Variants in BAIAP2L1 observed in about 807,000 individuals in gnomAD.
BAIAP2L1 encodes the protein BAR/IMD domain containing adaptor protein 2 like 1, also known as BAR/IMD domain-containing adapter protein 2-like 1.
Under a neutral mutation model 66.3 loss-of-function variants are expected in BAIAP2L1, and 35 were observed. That is an observed-to-expected ratio of 0.53 (90% CI 0.40 to 0.70). The LOEUF is 0.70. Ranked by LOEUF, BAIAP2L1 falls within the 30% of genes least tolerant of loss-of-function variation. BAIAP2L1 has a pLI of 0.00. For missense variants in BAIAP2L1, 622 were observed against 656.9 expected (o/e 0.95, Z 0.58); for synonymous variants, 269 against 248.7 (o/e 1.08, Z -0.77).
intron 1 of BAIAP2L1, 54 bp from the exon 2 acceptor site, chr7:98,362,486 T>C (rs1205672241): frequency 6.0e-6 from 9 of 1,488,258 alleles, no homozygotes; most frequent in Non-Finnish European, 1.9e-6. Flanking sequence ...AACCAAGTCA[T>C]CTTCAGATTT....
At chr7:98,294,914 C>T (rs62479858) in intron 12 of BAIAP2L1, among the ~76,000 whole-genome samples, 36,177 of 152,024 alleles carry the variant, frequency 0.24, 4,633 homozygotes, top group East Asian at 0.46. Flanking sequence ...GGTGTGTGCG[C>T]GCCTTCTTTC....
chr7:98,317,195 A>G (rs2116893490), intron 6 of BAIAP2L1, 24 bp downstream of exon 6: 3 of 1,613,980 alleles, frequency 1.9e-6, no homozygotes, highest in Non-Finnish European at 1.7e-6. Context: ...ACAAAAGAAA[A>G]CAAGATATTG....
At chr7:98,365,576 TC>T (rs1396698032) in intron 1 of BAIAP2L1, among the ~76,000 whole-genome samples, 1 of 152,184 alleles carries the variant, frequency 6.6e-6, no homozygotes, top group Non-Finnish European at 1.5e-5. Flanking sequence ...GCTCAAGTGA[TC>T]CTCGTGCCCC....
At chr7:98,375,501 G>A (rs1802604702) in intron 1 of BAIAP2L1, among the ~76,000 whole-genome samples, 1 of 151,920 alleles carries the variant, frequency 6.6e-6, no homozygotes, top group Non-Finnish European at 1.5e-5. Context: ...TATAATCCCA[G>A]CACTTTGGGA....
intron 3 of BAIAP2L1, among the ~76,000 whole-genome samples, chr7:98,353,671 A>T (rs1023191873): frequency 4.2e-5 from 6 of 141,322 alleles, no homozygotes; most frequent in African/African-American, 1.6e-4. Context: ...TATATAAATA[A>T]TATTATGGCT....
intron 6 of BAIAP2L1, among the ~76,000 whole-genome samples, chr7:98,316,088 C>G (rs1051005644): frequency 6.6e-6 from 1 of 152,108 alleles, no homozygotes; most frequent in Admixed American, 6.5e-5. Context: ...CAGGTCTTTC[C>G]CATGCCATTC....
Position 98,293,066 on chromosome 7 carries a change from G to C in BAIAP2L1, c.*455C>G, listed in dbSNP as rs1800037159. On this transcript the variant is annotated 3_prime_UTR_variant, in exon 14 of 14. Transcript: ENST00000005260. ...TTTATATTGCTTAAAATTATGATTTGCATGCTAAGATGCAAACTTACGTGA... is the reference window on the plus strand; with the variant it reads ...TTTATATTGCTTAAAATTATGATTTCCATGCTAAGATGCAAACTTACGTGA... The C allele has an allele frequency of 1.3e-6, 1 of 770,658 alleles. No individual in the cohort carries two copies. The highest frequency in any genetic ancestry group is 1.6e-6 in the Non-Finnish European group (1 of 615,134). 47.7% of individuals were successfully genotyped at this position (770,658 alleles called of 1,614,324 possible).
intron 1 of BAIAP2L1, chr7:98,386,422 T>C: frequency 1.3e-6 from 2 of 1,596,016 alleles, no homozygotes; most frequent in East Asian, 2.2e-5. Context: ...GCAATTTTGG[T>C]TCCTTGGGTC....
intron 11 of BAIAP2L1, among the ~76,000 whole-genome samples, chr7:98,305,953 A>C (rs1800640352): frequency 6.6e-6 from 1 of 152,130 alleles, no homozygotes; most frequent in Admixed American, 6.6e-5. Flanking sequence ...GGAAGGATGG[A>C]CCCAGGGTGA....
At chr7:98,308,597 G>C (rs1356403752) in intron 9 of BAIAP2L1, 1 of 286,270 alleles carries the variant, frequency 3.5e-6, no homozygotes, top group Non-Finnish European at 7.0e-6. Context: ...TGAGCACGAG[G>C]CTGTGCTGTT....
chr7:98,338,437 A>AG (rs1200456289), intron 3 of BAIAP2L1, among the ~76,000 whole-genome samples: 2 of 151,860 alleles, frequency 1.3e-5, no homozygotes, highest in Non-Finnish European at 2.9e-5. Flanking sequence ...AAAAAAAAAA[A>AG]AAAGACATGC....
chr7:98,303,916 C>T (rs1396936578), intron 12 of BAIAP2L1, among the ~76,000 whole-genome samples: 1 of 152,166 alleles, frequency 6.6e-6, no homozygotes, highest in African/African-American at 2.4e-5. Flanking sequence ...GATAAGAAAC[C>T]TAATAAAATC....
chr7:98,324,618 C>T (rs1026748571), intron 3 of BAIAP2L1, among the ~76,000 whole-genome samples: 5 of 151,984 alleles, frequency 3.3e-5, no homozygotes, highest in Non-Finnish European at 5.9e-5. Flanking sequence ...CGGGTTCAGG[C>T]GGGAGGATCG....
At chr7:98,338,378 C>T (rs1028012593) in intron 3 of BAIAP2L1, among the ~76,000 whole-genome samples, 4 of 150,120 alleles carry the variant, frequency 2.7e-5, no homozygotes, top group Non-Finnish European at 5.9e-5. Flanking sequence ...GCCGAGATTG[C>T]GCCACTGCAC....
chr7:98,375,210 T>C (rs532008909), intron 1 of BAIAP2L1, among the ~76,000 whole-genome samples: 1 of 151,264 alleles, frequency 6.6e-6, no homozygotes, highest in Admixed American at 6.6e-5. Flanking sequence ...CTGGCCAACA[T>C]AGTGAAACCC....
chr7:98,390,693 C>T (rs1803016296), intron 1 of BAIAP2L1, among the ~76,000 whole-genome samples: 1 of 151,736 alleles, frequency 6.6e-6, no homozygotes, highest in Non-Finnish European at 1.5e-5. Context: ...GATTGCGCCA[C>T]TGCACTACAG....
At chr7:98,336,227 T>G (rs1801613453) in intron 3 of BAIAP2L1, among the ~76,000 whole-genome samples, 1 of 152,112 alleles carries the variant, frequency 6.6e-6, no homozygotes, top group Non-Finnish European at 1.5e-5. Flanking sequence ...GGATCAGTCA[T>G]ACTCCAAACC....
rs532116493 is a variant in BAIAP2L1, at chr7:98,378,987, G to A, written c.52-16555C>T. On this transcript the variant is annotated intron_variant, in intron 1 of 13. Transcript: ENST00000005260. ...TGGGACTACAGGCGTCTGCCACCGC[G>A]CCTGGCTAATTTTTTGTATTTTTAG... 2.6e-3 allele frequency among the ~76,000 whole-genome samples: 394 copies of A among 152,248 alleles called. 1 individual carries two copies. The highest frequency in any genetic ancestry group is 4.0e-3 in the Non-Finnish European group (270 of 68,008).
chr7:98,292,737 T>C lies in BAIAP2L1; in HGVS notation c.*784A>G. ...ACCCCGAGCAGTTTGAGTGTACTGG[T>C]AATGGATGCAGCTTTGGCCAACTAG... is the stretch of plus-strand genomic sequence containing the variant. On this transcript the variant is annotated 3_prime_UTR_variant, in exon 14 of 14. Coordinates refer to ENST00000005260, the MANE Select transcript of BAIAP2L1 (RefSeq NM_018842.5). 6.4e-7 allele frequency: 1 copy of C among 1,551,326 alleles called. No individual in the cohort carries two copies. Among genetic ancestry groups the C allele is most frequent in the Non-Finnish European group, 8.7e-7 (1 of 1,146,844 alleles).
Sources: allele counts gnomAD v4.1 joint callset (sites outside exome capture counted in the v4.1 genomes callset), GRCh38; gene constraint gnomAD v4.1.1; transcripts MANE v1.5; gene names NCBI Gene and HGNC (gene_info 2026-07-23, HGNC 2026-07-21).